ZBTB20: variants seen among roughly 807,000 people sequenced by gnomAD.
ZBTB20 encodes the protein zinc finger and BTB domain-containing protein 20.
Under a neutral mutation model 56.9 loss-of-function variants are expected in ZBTB20, and 9 were observed. The ratio of observed to expected loss-of-function variants is 0.16; its 90% CI spans 0.10 to 0.28. The LOEUF (loss-of-function observed/expected upper bound fraction) is 0.28, where lower values mean the gene tolerates loss of function less well. Among genes scored for constraint, ZBTB20 ranks in the 10% least tolerant of loss-of-function variants. ZBTB20 has a pLI of 1.00. For missense variants in ZBTB20, 655 were observed against 1,003.0 expected (o/e 0.65, Z 4.69); for synonymous variants, 417 against 420.7 (o/e 0.99, Z 0.11).
chr3:114,964,719 G>C (rs2077583533), intron 3 of ZBTB20, among the ~76,000 whole-genome samples: 1 of 152,102 alleles, frequency 6.6e-6, no homozygotes, highest in Non-Finnish European at 1.5e-5. Context: ...AGAGATATGG[G>C]AGTTTGGAAG....
intron 6 of ZBTB20, among the ~76,000 whole-genome samples, chr3:114,525,248 C>T (rs931182335): frequency 2.0e-4 from 31 of 151,938 alleles, no homozygotes; most frequent in African/African-American, 7.5e-4. Flanking sequence ...ACATAATATG[C>T]CCTCAATAAA....
At chr3:114,527,799 T>C (rs533052069) in intron 6 of ZBTB20, among the ~76,000 whole-genome samples, 2 of 152,344 alleles carry the variant, frequency 1.3e-5, no homozygotes, top group African/African-American at 4.8e-5. Context: ...TATTATTTAA[T>C]AGGATAAAAT....
chr3:114,855,084 C>A (rs569438054), intron 4 of ZBTB20, among the ~76,000 whole-genome samples: 1 of 152,262 alleles, frequency 6.6e-6, no homozygotes, highest in South Asian at 2.1e-4. Flanking sequence ...TCTGTAAAAA[C>A]CACATCACTA....
At chr3:114,896,113 A>G (rs771827416) in intron 4 of ZBTB20, among the ~76,000 whole-genome samples, 1 of 152,158 alleles carries the variant, frequency 6.6e-6, no homozygotes, top group Admixed American at 6.6e-5. Context: ...AACTCAACTT[A>G]TTCTCCTTAT....
At chr3:115,079,446 T>C (rs1337227753) in intron 1 of ZBTB20, among the ~76,000 whole-genome samples, 4 of 152,102 alleles carry the variant, frequency 2.6e-5, no homozygotes, top group Non-Finnish European at 5.9e-5. Context: ...TGGAGTGCAG[T>C]GGTGCAATCT....
intron 7 of ZBTB20, among the ~76,000 whole-genome samples, chr3:114,413,002 G>T (rs1018513094): frequency 3.3e-5 from 5 of 152,068 alleles, no homozygotes; most frequent in Admixed American, 6.6e-5. Context: ...CCAGAGCATA[G>T]AGTGTAATTT....
At chr3:114,851,475 T>G (rs1189657707) in intron 4 of ZBTB20, among the ~76,000 whole-genome samples, 1 of 152,140 alleles carries the variant, frequency 6.6e-6, no homozygotes, top group African/African-American at 2.4e-5. Flanking sequence ...AAAGTATTCA[T>G]TATAATCATT....
intron 2 of ZBTB20, among the ~76,000 whole-genome samples, chr3:114,983,100 C>T (rs528964926): frequency 1.6e-4 from 24 of 151,980 alleles, no homozygotes; most frequent in Non-Finnish European, 2.7e-4. Flanking sequence ...CATTATATAT[C>T]CTAATTCCAA....
At chr3:114,932,086 A>C (rs2107808966) in intron 3 of ZBTB20, among the ~76,000 whole-genome samples, 1 of 152,312 alleles carries the variant, frequency 6.6e-6, no homozygotes, top group South Asian at 2.1e-4. Context: ...TTTTTTAGGA[A>C]TAAAGATCTG....
At chr3:114,865,989 T>G (rs1311549808) in intron 4 of ZBTB20, among the ~76,000 whole-genome samples, 1 of 152,230 alleles carries the variant, frequency 6.6e-6, no homozygotes, top group Non-Finnish European at 1.5e-5. Context: ...ACCATTACAT[T>G]ATTCTACTTC....
Position 114,338,512 on chromosome 3 carries a change from A to T in ZBTB20, c.*493T>A, listed in dbSNP as rs1381135192. 1.3e-5 allele frequency: 2 copies of T among 152,624 alleles called. No individual in the cohort carries two copies. The highest frequency in any genetic ancestry group is 4.8e-5 in the African/African-American group (2 of 41,452). The allele number at this position is 152,624 out of a possible 1,614,324, so 9.5% of individuals were successfully genotyped here. A position where few individuals can be genotyped will look rare whatever the true frequency, so the allele number is the denominator to read the frequency against. Reference sequence around the variant, plus strand: ...TTTTCAACCAGAAGTGATATTCCACAGTTTTAACTGGTTACTGTGAAGTCC... The same window carrying T: ...TTTTCAACCAGAAGTGATATTCCACTGTTTTAACTGGTTACTGTGAAGTCC... On this transcript the variant is annotated 3_prime_UTR_variant, in exon 12 of 12. Transcript: ENST00000675478.
intron 5 of ZBTB20, among the ~76,000 whole-genome samples, chr3:114,738,275 G>A (rs545549466): frequency 4.9e-4 from 74 of 150,756 alleles, no homozygotes; most frequent in Non-Finnish European, 6.8e-4. Context: ...TTTTTATTTT[G>A]ATAAAATCTT....
chr3:114,455,397 A>C (rs1384910573), intron 7 of ZBTB20, among the ~76,000 whole-genome samples: 1 of 152,158 alleles, frequency 6.6e-6, no homozygotes, highest in Non-Finnish European at 1.5e-5. Context: ...AACTAAACAA[A>C]AAGTGCAAAT....
intron 5 of ZBTB20, among the ~76,000 whole-genome samples, chr3:114,698,723 A>T (rs2108360122): frequency 6.6e-6 from 1 of 152,280 alleles, no homozygotes. Context: ...AGGAAAGAAC[A>T]AGAGTTGGGG....
intron 10 of ZBTB20, 126 bp from the exon 11 acceptor site, chr3:114,352,004 G>A: frequency 8.3e-7 from 1 of 1,201,110 alleles, no homozygotes; most frequent in Non-Finnish European, 1.2e-6. Flanking sequence ...ACATACGCAA[G>A]TGGGGAGATG....
intron 2 of ZBTB20, among the ~76,000 whole-genome samples, chr3:115,031,901 C>G (rs1468322603): frequency 6.6e-6 from 1 of 151,392 alleles, no homozygotes; most frequent in Non-Finnish European, 1.5e-5. Flanking sequence ...TTAGAGGTCA[C>G]TAGTCAACAA....
intron 1 of ZBTB20, among the ~76,000 whole-genome samples, chr3:115,103,850 G>A (rs1012095524): frequency 6.6e-6 from 1 of 152,102 alleles, no homozygotes; most frequent in African/African-American, 2.4e-5. Context: ...TGATAAGCTG[G>A]ATTTAATTCA....
chr3:114,817,978 T>A (rs2073038831), intron 4 of ZBTB20, among the ~76,000 whole-genome samples: 1 of 152,140 alleles, frequency 6.6e-6, no homozygotes, highest in South Asian at 2.1e-4. Flanking sequence ...AATCCTCAGA[T>A]GATTCAGACT....
intron 1 of ZBTB20, among the ~76,000 whole-genome samples, chr3:115,074,442 C>T (rs2082523790): frequency 6.6e-6 from 1 of 152,022 alleles, no homozygotes; most frequent in Non-Finnish European, 1.5e-5. Context: ...CTTGTACTGC[C>T]ATTTAGTTAG....
Sources: allele counts gnomAD v4.1 joint callset (sites outside exome capture counted in the v4.1 genomes callset), GRCh38; gene constraint gnomAD v4.1.1; transcripts MANE v1.5; gene names NCBI Gene and HGNC (gene_info 2026-07-23, HGNC 2026-07-21).